PALLD: variants seen among roughly 807,000 people sequenced by gnomAD.
PALLD encodes palladin.
Under a neutral mutation model 123.5 loss-of-function variants are expected in PALLD, and 61 were observed. That is an observed-to-expected ratio of 0.49 (90% CI 0.40 to 0.61). The LOEUF (loss-of-function observed/expected upper bound fraction) is 0.61. PALLD is among the 20% of genes least tolerant of loss of function. The pLI is 0.00. For missense variants in PALLD, 1,273 were observed against 1,377.0 expected (o/e 0.92, Z 1.20); for synonymous variants, 465 against 496.4 (o/e 0.94, Z 0.84).
rs770728908 is a variant in PALLD, at chr4:168,621,949, T to C, written c.909-46241T>C. On this transcript the variant is annotated intron_variant, in intron 2 of 21. Transcript: ENST00000505667. ...ACACATGCTTCTTCTGTTTGACTTA[T>C]ATGGGCACCCTAGGGTTTGTATTTG... is the stretch of plus-strand genomic sequence containing the variant. 3.3e-5 allele frequency among the ~76,000 whole-genome samples: 5 copies of C among 152,290 alleles called. No individual in the cohort carries two copies. The South Asian group carries it at 1.0e-3, about 32-fold the overall frequency.
intron 2 of PALLD, among the ~76,000 whole-genome samples, chr4:168,529,342 A>G (rs1764380883): frequency 1.3e-5 from 2 of 151,952 alleles, no homozygotes; most frequent in African/African-American, 4.8e-5. Context: ...GTCTCGAGAA[A>G]AAAAAAAAAA....
Position 168,729,109 on chromosome 4 carries a change from G to A in PALLD, c.1964+17186G>A, listed in dbSNP as rs530160719. Among the ~76,000 whole-genome samples, 3 of 152,236 alleles carry A rather than the reference G, an allele frequency of 2.0e-5. No individual in the cohort carries two copies. In the South Asian group the frequency reaches 6.2e-4, roughly 32 times the overall value. The stretch of plus-strand genomic sequence containing the variant: ...GGGAAGTGAAATGGATAAAAAGAAG[G>A]TACACGTTTTAAATTTTGTCCAATT... On this transcript the variant is annotated intron_variant, in intron 10 of 21. Coordinates refer to ENST00000505667, the MANE Select transcript of PALLD (RefSeq NM_001166108.2).
chr4:168,546,085 T>C (rs1320438071), intron 2 of PALLD, among the ~76,000 whole-genome samples: 1 of 152,118 alleles, frequency 6.6e-6, no homozygotes, highest in African/African-American at 2.4e-5. Flanking sequence ...AGCAGCTTGA[T>C]AGCTTCTGTA....
chr4:168,568,702 T>G (rs1768663045), intron 2 of PALLD, among the ~76,000 whole-genome samples: 1 of 151,726 alleles, frequency 6.6e-6, no homozygotes, highest in South Asian at 2.1e-4. Flanking sequence ...ATTTGGGAAA[T>G]TTTTCCTAAA....
intron 8 of PALLD, among the ~76,000 whole-genome samples, chr4:168,706,517 C>T (rs1365084055): frequency 2.6e-5 from 4 of 152,114 alleles, no homozygotes; most frequent in Admixed American, 1.3e-4. Flanking sequence ...TTATAATCAC[C>T]GTAGTCCTCA....
At chr4:168,873,181 A>G (rs1019600358) in intron 10 of PALLD, among the ~76,000 whole-genome samples, 5 of 152,206 alleles carry the variant, frequency 3.3e-5, no homozygotes, top group African/African-American at 1.2e-4. Flanking sequence ...TAAGAAATTT[A>G]TATCATTGTT....
intron 3 of PALLD, among the ~76,000 whole-genome samples, chr4:168,678,258 T>C (rs544878753): frequency 1.3e-5 from 2 of 152,192 alleles, no homozygotes; most frequent in East Asian, 1.9e-4. Context: ...TGTCTATAAA[T>C]TGGACATAAT....
intron 2 of PALLD, among the ~76,000 whole-genome samples, chr4:168,642,482 A>G (rs1777057321): frequency 6.6e-6 from 1 of 151,990 alleles, no homozygotes; most frequent in South Asian, 2.1e-4. Flanking sequence ...GCTTACTGCA[A>G]TCTCTGCCTC....
intron 10 of PALLD, among the ~76,000 whole-genome samples, chr4:168,842,896 T>C (rs1260504232): frequency 6.6e-6 from 1 of 152,246 alleles, no homozygotes; most frequent in Non-Finnish European, 1.5e-5. Flanking sequence ...GTTCAAATTA[T>C]AAGCCTGTAC....
intron 2 of PALLD, among the ~76,000 whole-genome samples, chr4:168,514,662 T>A (rs1242161786): frequency 6.6e-6 from 1 of 152,196 alleles, no homozygotes. Context: ...ATCTTGCAAA[T>A]AAATAATTTT....
At chr4:168,527,969 G>A (rs941301835) in intron 2 of PALLD, among the ~76,000 whole-genome samples, 11 of 152,310 alleles carry the variant, frequency 7.2e-5, no homozygotes, top group African/African-American at 2.6e-4. Context: ...TCCACCTTCT[G>A]TTCCTTTAGG....
chr4:168,717,163 A>C (rs1785440667), intron 10 of PALLD, among the ~76,000 whole-genome samples: 2 of 152,080 alleles, frequency 1.3e-5, no homozygotes, highest in Non-Finnish European at 2.9e-5. Context: ...TGAGAATGGG[A>C]ACCCTGACTG....
intron 8 of PALLD, among the ~76,000 whole-genome samples, chr4:168,694,021 A>G (rs899649301): frequency 6.6e-6 from 1 of 152,212 alleles, no homozygotes; most frequent in Non-Finnish European, 1.5e-5. Flanking sequence ...AAAACTAGGT[A>G]TGATTCTTTT....
chr4:168,602,465 C>G (rs6849824), intron 2 of PALLD, among the ~76,000 whole-genome samples: 23,862 of 152,080 alleles, frequency 0.16, 2,136 homozygotes, highest in East Asian at 0.32. Context: ...ACAAAAGACT[C>G]CATACGTGAA....
chr4:168,923,596 T>TA (rs5863970), intron 18 of PALLD, among the ~76,000 whole-genome samples: 20 of 151,992 alleles, frequency 1.3e-4, no homozygotes, highest in Non-Finnish European at 2.1e-4. Flanking sequence ...CTTTTTTTTT[T>TA]AATGGGTTCC....
chr4:168,668,133 A>T, intron 2 of PALLD, 57 bp from the exon 3 acceptor site: 2 of 1,370,586 alleles, frequency 1.5e-6, no homozygotes, highest in Non-Finnish European at 2.1e-6. Flanking sequence ...TTATTGTTTT[A>T]AACATCACCA....
chr4:168,497,200 T>A lies in PALLD; in HGVS notation c.-83+6T>A, dbSNP rs909290371. The A allele has an allele frequency of 2.6e-5, 4 of 151,830 alleles. No homozygotes were observed. Among genetic ancestry groups the A allele is most frequent in the African/African-American group, 7.3e-5 (3 of 41,272 alleles). 9.4% of individuals were successfully genotyped at this position (151,830 alleles called of 1,614,324 possible). ...ACTGACCAAGCATTGAAAAGGTCTGTAAGGTGTATCTTAATATACTAACTA... is the reference window on the plus strand; with the variant it reads ...ACTGACCAAGCATTGAAAAGGTCTGAAAGGTGTATCTTAATATACTAACTA... On this transcript the variant is annotated splice_donor_region_variant and intron_variant, in intron 1 of 21. Coordinates refer to ENST00000505667, the MANE Select transcript of PALLD (RefSeq NM_001166108.2).
intron 3 of PALLD, among the ~76,000 whole-genome samples, chr4:168,673,451 G>A (rs1034019049): frequency 2.0e-5 from 3 of 152,214 alleles, no homozygotes; most frequent in African/African-American, 7.2e-5. Flanking sequence ...GAAGTCCAGG[G>A]TAACTGGAAC....
chr4:168,717,470 C>T (rs1271884466), intron 10 of PALLD, among the ~76,000 whole-genome samples: 2 of 152,130 alleles, frequency 1.3e-5, no homozygotes, highest in East Asian at 3.9e-4. Flanking sequence ...CCTGCCTCAG[C>T]CTCCCGAGTA....
Sources: allele counts gnomAD v4.1 joint callset (sites outside exome capture counted in the v4.1 genomes callset), GRCh38; gene constraint gnomAD v4.1.1; transcripts MANE v1.5; gene names NCBI Gene and HGNC (gene_info 2026-07-23, HGNC 2026-07-21).